OPCML: variants seen among roughly 807,000 people sequenced by gnomAD.
The protein encoded by OPCML is opioid binding protein/cell adhesion molecule like, also known as opioid-binding protein/cell adhesion molecule.
Under a neutral mutation model 37.8 loss-of-function variants are expected in OPCML, and 13 were observed. The ratio of observed to expected loss-of-function variants is 0.34; its 90% CI spans 0.22 to 0.55. The LOEUF is 0.55. Ranked by LOEUF, OPCML falls within the 20% of genes least tolerant of loss-of-function variation. OPCML has a pLI of 0.91. For missense variants in OPCML, 341 were observed against 435.6 expected, an observed-to-expected ratio of 0.78 and a Z score of 1.93; for synonymous variants, 176 against 168.8, an observed-to-expected ratio of 1.04 and a Z score of -0.33.
At chr11:132,833,531 A>C (rs1591673127) in intron 2 of OPCML, among the ~76,000 whole-genome samples, 1 of 152,388 alleles carries the variant, frequency 6.6e-6, no homozygotes, top group East Asian at 1.9e-4. Context: ...ACTCTCTAAA[A>C]TAATGATAAA....
chr11:132,779,518 T>C (rs1188419120), intron 2 of OPCML, among the ~76,000 whole-genome samples: 1 of 151,404 alleles, frequency 6.6e-6, no homozygotes, highest in African/African-American at 2.4e-5. Context: ...AAGATTTTAT[T>C]ATATTTTTCA....
intron 1 of OPCML, among the ~76,000 whole-genome samples, chr11:133,284,034 A>G (rs1399398154): frequency 5.3e-5 from 8 of 152,352 alleles, no homozygotes; most frequent in African/African-American, 1.9e-4. Context: ...CTCTTTTACC[A>G]AAATGGAGAA....
At chr11:133,178,006 A>G (rs1937636983) in intron 1 of OPCML, among the ~76,000 whole-genome samples, 1 of 152,208 alleles carries the variant, frequency 6.6e-6, no homozygotes, top group Admixed American at 6.5e-5. Flanking sequence ...TAGTTTTGTC[A>G]ATACACATAT....
chr11:132,551,454 G>T (rs552473493), intron 3 of OPCML, among the ~76,000 whole-genome samples: 11 of 152,330 alleles, frequency 7.2e-5, no homozygotes, highest in East Asian at 5.8e-4. Context: ...CTGGGGACTA[G>T]ACTGCCTTTG....
chr11:133,001,482 C>T (rs73588516), intron 1 of OPCML, among the ~76,000 whole-genome samples: 1,951 of 152,328 alleles, frequency 0.013, 28 homozygotes, highest in African/African-American at 0.044. Context: ...TAGTCTTTCC[C>T]TAGCACCATG....
chr11:133,378,692 CTTTT>C (rs1007966143), intron 1 of OPCML, among the ~76,000 whole-genome samples: 2 of 150,162 alleles, frequency 1.3e-5, no homozygotes, highest in African/African-American at 4.9e-5. Flanking sequence ...TTCTTTCTTT[CTTTT>C]TTTCCTTCCT....
intron 3 of OPCML, among the ~76,000 whole-genome samples, chr11:132,634,321 A>G (rs1591650963): frequency 6.6e-6 from 1 of 152,194 alleles, no homozygotes; most frequent in African/African-American, 2.4e-5. Context: ...GTAAGCAACA[A>G]TGTCTGCCAT....
At chr11:133,088,285 C>T (rs1442211656) in intron 1 of OPCML, among the ~76,000 whole-genome samples, 2 of 152,158 alleles carry the variant, frequency 1.3e-5, no homozygotes, top group Non-Finnish European at 2.9e-5. Context: ...GCACGGATTG[C>T]GAAGTCACGT....
At chr11:132,563,749 A>T (rs2096415787) in intron 3 of OPCML, among the ~76,000 whole-genome samples, 1 of 152,164 alleles carries the variant, frequency 6.6e-6, no homozygotes, top group African/African-American at 2.4e-5. Context: ...TTTCTTTGAA[A>T]GCACTTATGT....
chr11:133,355,830 G>C (rs1026226946), intron 1 of OPCML, among the ~76,000 whole-genome samples: 5 of 152,180 alleles, frequency 3.3e-5, no homozygotes, highest in Admixed American at 3.3e-4. Flanking sequence ...AAAGGTTATA[G>C]AACTATGCAG....
At chr11:133,204,840 T>C (rs1476904378) in intron 1 of OPCML, among the ~76,000 whole-genome samples, 2 of 139,866 alleles carry the variant, frequency 1.4e-5, no homozygotes, top group African/African-American at 2.6e-5. Flanking sequence ...TTTTGTATTA[T>C]TGTGATCTAT....
rs2096377704 is a variant in OPCML, at chr11:132,549,948, T to C, written c.380-20762A>G. On this transcript the variant is annotated intron_variant, in intron 3 of 7. Coordinates refer to ENST00000524381, the MANE Select transcript of OPCML (RefSeq NM_001012393.5). ...CCTTCTCCTAAGTGCCTCCTGTGTG[T>C]CCGTGTCCTACATTTTCCTGGTGCT... Among the ~76,000 whole-genome samples the C allele has an allele frequency of 2.0e-5, 3 of 152,160 alleles. No homozygotes were observed. The South Asian group carries it at 6.2e-4, about 32-fold the overall frequency.
rs571040462 is a variant in OPCML at position 133,292,307 on chromosome 11, T to C, written c.61+239957A>G. Among the ~76,000 whole-genome samples the C allele has an allele frequency of 2.6e-4, 40 of 152,318 alleles. No individual in the cohort carries two copies. In the South Asian group the frequency reaches 7.9e-3, roughly 30 times the overall value. On this transcript the variant is annotated intron_variant, in intron 1 of 7. Transcript: ENST00000524381. ...AGCTCATTGCGATAGAGATGCAATA[T>C]TGCTTTTTTCATAGTGGCTTTTCCG...
chr11:132,546,620 G>T (rs1488794158), intron 3 of OPCML, among the ~76,000 whole-genome samples: 1 of 152,318 alleles, frequency 6.6e-6, no homozygotes, highest in Admixed American at 6.5e-5. Flanking sequence ...TGGAGAGAGA[G>T]AGCCAGGTCT....
At chr11:132,786,107 C>T (rs1242632923) in intron 2 of OPCML, among the ~76,000 whole-genome samples, 1 of 152,212 alleles carries the variant, frequency 6.6e-6, no homozygotes, top group Non-Finnish European at 1.5e-5. Flanking sequence ...TCCAGCTGCT[C>T]TCCTTACAGA....
intron 2 of OPCML, among the ~76,000 whole-genome samples, chr11:132,782,732 C>T (rs1947072935): frequency 6.6e-6 from 1 of 151,832 alleles, no homozygotes; most frequent in African/African-American, 2.4e-5. Context: ...TGTGGGTAGG[C>T]TGAAGCGGAG....
At chr11:133,031,745 C>T (rs1947677851) in intron 1 of OPCML, among the ~76,000 whole-genome samples, 1 of 151,720 alleles carries the variant, frequency 6.6e-6, no homozygotes, top group African/African-American at 2.4e-5. Context: ...ATTATTGGGA[C>T]TAATATAGAA....
chr11:133,276,557 G>A (rs999296242), intron 1 of OPCML, among the ~76,000 whole-genome samples: 3 of 152,168 alleles, frequency 2.0e-5, no homozygotes, highest in Admixed American at 6.5e-5. Flanking sequence ...ATCCAAAAGC[G>A]TAATATTGAA....
chr11:133,366,869 G>A (rs1944551607), intron 1 of OPCML, among the ~76,000 whole-genome samples: 1 of 152,178 alleles, frequency 6.6e-6, no homozygotes, highest in African/African-American at 2.4e-5. Flanking sequence ...ACACTCAGGA[G>A]GCACCAATAG....
Sources: gnomAD v4.1 joint callset for allele counts (sites outside exome capture counted in the v4.1 genomes callset) on GRCh38, gnomAD v4.1.1 for gene constraint, MANE v1.5 for transcripts, NCBI Gene and HGNC (gene_info 2026-07-23, HGNC 2026-07-21) for gene names.